Variants in TNFSF15 observed in about 807,000 individuals in gnomAD.
TNFSF15 encodes tumor necrosis factor ligand superfamily member 15.
A neutral mutation model predicts 26.4 loss-of-function variants in TNFSF15; 15 were observed. That is an observed-to-expected ratio of 0.57 (90% CI 0.38 to 0.87). The LOEUF (loss-of-function observed/expected upper bound fraction) is 0.87. Among genes scored for constraint, TNFSF15 ranks in the 40% least tolerant of loss-of-function variants. The pLI is 0.00. For synonymous variants in TNFSF15, 116 were observed against 115.0 expected (o/e 1.01, Z -0.06); for missense variants, 290 against 306.1 (o/e 0.95, Z 0.39).
intron 1 of TNFSF15, among the ~76,000 whole-genome samples, chr9:114,803,251 G>A (rs956183595): frequency 2.6e-5 from 4 of 152,152 alleles, no homozygotes; most frequent in Admixed American, 6.5e-5. Context: ...CCTGGTGCCT[G>A]GGGTAGAGTG....
intron 1 of TNFSF15, among the ~76,000 whole-genome samples, 166 bp from the exon 2 acceptor site, chr9:114,793,734 A>C (rs190865825): frequency 7.9e-4 from 120 of 152,292 alleles, no homozygotes; most frequent in Non-Finnish European, 1.1e-3. Flanking sequence ...GGAATCTTGC[A>C]TCTCAGCTCT....
chr9:114,785,838 G>A lies in TNFSF15; in HGVS notation c.*4614C>T, dbSNP rs1171297906. 6.6e-6 allele frequency: 1 copy of A among 152,246 alleles called. No individual in the cohort carries two copies. Among genetic ancestry groups the A allele is most frequent in the Non-Finnish European group, 1.5e-5 (1 of 68,062 alleles). 9.4% of individuals were successfully genotyped at this position (152,246 alleles called of 1,614,324 possible). On this transcript the variant is annotated 3_prime_UTR_variant, in exon 4 of 4. Transcript: ENST00000374045. ...GAACTCTATTTGCGATGAGTAGAGA[G>A]GTTAGAAGAGTCCAGGATTATGGTT...
intron 1 of TNFSF15, among the ~76,000 whole-genome samples, chr9:114,795,157 C>T (rs1036380900): frequency 7.2e-5 from 11 of 151,820 alleles, no homozygotes; most frequent in Admixed American, 1.3e-4. Flanking sequence ...GTACCCCACA[C>T]GTATATAAAA....
At chr9:114,803,645 C>G (rs997509353) in intron 1 of TNFSF15, among the ~76,000 whole-genome samples, 6 of 152,222 alleles carry the variant, frequency 3.9e-5, no homozygotes, top group Admixed American at 1.3e-4. Flanking sequence ...CTGGCTTCCT[C>G]CTGAGCCTGG....
In TNFSF15 at chr9:114,788,920, C is replaced by T. The variant is rs763711429; in HGVS notation, c.*1532G>A. ...CCCACTGAAGCACAGAAGGGACCTC[C>T]GCAATGACCAGCCTGTCCTCCAGGG... On this transcript the variant is annotated 3_prime_UTR_variant, in exon 4 of 4. Coordinates refer to ENST00000374045, the MANE Select transcript of TNFSF15 (RefSeq NM_005118.4). The T allele has an allele frequency of 7.2e-5, 11 of 152,320 alleles. No homozygotes were observed. The highest frequency in any genetic ancestry group is 1.9e-4 in the East Asian group (1 of 5,188). The allele number at this position is 152,320 out of a possible 1,614,324, so 9.4% of individuals were successfully genotyped here.
In TNFSF15 at chr9:114,787,968, T is replaced by A. The variant is rs977642285; in HGVS notation, c.*2484A>T. 2.0e-5 allele frequency: 3 copies of A among 153,648 alleles called. No homozygotes were observed. Among genetic ancestry groups the A allele is most frequent in the African/African-American group, 7.2e-5 (3 of 41,452 alleles). The allele number at this position is 153,648 out of a possible 1,614,324, so 9.5% of individuals were successfully genotyped here. ...ATCACCTACAGAACAGTGGGCAGGT[T>A]TGAGCAGGCCACTCTTCTGTGCAAA... On this transcript the variant is annotated 3_prime_UTR_variant, in exon 4 of 4. Transcript: ENST00000374045.
intron 1 of TNFSF15, among the ~76,000 whole-genome samples, chr9:114,800,776 A>AAAATATTAAATATTT (rs1304797628): frequency 6.6e-6 from 1 of 152,150 alleles, no homozygotes; most frequent in Non-Finnish European, 1.5e-5. Context: ...CTTTAATATG[A>AAAATATTAAATATTT]AAATATTTAG....
chr9:114,792,967 T>C (rs1296388432), intron 2 of TNFSF15, among the ~76,000 whole-genome samples: 1 of 152,186 alleles, frequency 6.6e-6, no homozygotes. Context: ...ATGACTTTGG[T>C]GAATCCTTTT....
chr9:114,790,581 G>C lies in TNFSF15; in HGVS notation c.627C>G (p.Phe209Leu). The C allele has an allele frequency of 6.2e-7, 1 of 1,614,080 alleles. No individual in the cohort carries two copies. The highest frequency in any genetic ancestry group is 8.5e-7 in the Non-Finnish European group (1 of 1,180,034). ...ACATGGCTCCGAGGTAGATGGGCTG[G>C]AACCAGTTGCTACCTACTTCGCATA... ...KSVCEVGSNW[F>L]QPIYLGAMFS... Residue 209 changes from phenylalanine to leucine, a missense_variant, in exon 4 of 4, where the codon TTC becomes TTG. Physicochemically the swap from Phe to Leu is conservative, Grantham distance 22. Coordinates refer to ENST00000374045, the MANE Select transcript of TNFSF15 (RefSeq NM_005118.4).
At chr9:114,796,462 C>T (rs1331415891) in intron 1 of TNFSF15, among the ~76,000 whole-genome samples, 3 of 152,192 alleles carry the variant, frequency 2.0e-5, no homozygotes, top group African/African-American at 4.8e-5. Context: ...CCTCTGTGTT[C>T]CCAGCCATGA....
chr9:114,805,543 T>C (rs1829809999), intron 1 of TNFSF15, among the ~76,000 whole-genome samples: 1 of 152,212 alleles, frequency 6.6e-6, no homozygotes, highest in South Asian at 2.1e-4. Flanking sequence ...ACCAGTATAC[T>C]ATGATTATAA....
In TNFSF15 at chr9:114,786,194, T is replaced by G. The variant is rs1427726188; in HGVS notation, c.*4258A>C. 6.6e-6 allele frequency: 1 copy of G among 152,224 alleles called. No homozygotes were observed. Among genetic ancestry groups the G allele is most frequent in the Non-Finnish European group, 1.5e-5 (1 of 68,034 alleles). 9.4% of individuals were successfully genotyped at this position (152,224 alleles called of 1,614,324 possible). A position where few individuals can be genotyped will look rare whatever the true frequency, so the allele number is the denominator to read the frequency against. ...AATATCCAGGATAAGGATGTACACT[T>G]GAAAATTCTGCTACAAATATCAAAA... On this transcript the variant is annotated 3_prime_UTR_variant, in exon 4 of 4. Coordinates refer to ENST00000374045, the MANE Select transcript of TNFSF15 (RefSeq NM_005118.4).
rs994867717 is a variant in TNFSF15 at position 114,788,781 on chromosome 9, A to C, written c.*1671T>G. On this transcript the variant is annotated 3_prime_UTR_variant, in exon 4 of 4. Coordinates refer to ENST00000374045, the MANE Select transcript of TNFSF15 (RefSeq NM_005118.4). ...ATGAGCTCATTTGCTCCTTGGAAAC[A>C]AATGGGCAGATTCCTGCTTTGCAGA... is the stretch of plus-strand genomic sequence containing the variant. 3 of 152,232 alleles carry C rather than the reference A, an allele frequency of 2.0e-5. No individual in the cohort carries two copies. The highest frequency in any genetic ancestry group is 7.2e-5 in the African/African-American group (3 of 41,464). 9.4% of individuals were successfully genotyped at this position (152,232 alleles called of 1,614,324 possible). A position where few individuals can be genotyped will look rare whatever the true frequency, so the allele number is the denominator to read the frequency against.
chr9:114,802,614 TTC>T (rs1587902357), intron 1 of TNFSF15, among the ~76,000 whole-genome samples: 1 of 152,194 alleles, frequency 6.6e-6, no homozygotes, highest in Non-Finnish European at 1.5e-5. Context: ...TGATTCTTAA[TTC>T]TCTCTTTGGA....
chr9:114,792,666 A>G lies in TNFSF15; in HGVS notation c.254-212T>C, dbSNP rs1829622637. 1.1e-5 allele frequency: 13 copies of G among 1,182,872 alleles called. No individual in the cohort carries two copies. The South Asian group carries it at 1.8e-4, about 16-fold the overall frequency. The allele number at this position is 1,182,872 out of a possible 1,614,324, so 73.3% of individuals were successfully genotyped here. ...GGGTGACTCAGAAGAAAGAGTCTTG[A>G]ACACAAATGAATCTTGGCCCCATGG... On this transcript the variant is annotated intron_variant, in intron 2 of 3. Coordinates refer to ENST00000374045, the MANE Select transcript of TNFSF15 (RefSeq NM_005118.4).
Position 114,790,866 on chromosome 9 carries a change from G to A in TNFSF15, c.342C>T (p.Phe114=). ...GTTCATGTTCCCAGTGCAGAGCTGG[G>A]AACTGATTTTTAAAGTGCTGTGTGG... ...QTPTQHFKNQ[F]PALHWEHELG... Residue 114 remains phenylalanine (F), a synonymous_variant, in exon 4 of 4, where the codon TTC becomes TTT. Coordinates refer to ENST00000374045, the MANE Select transcript of TNFSF15 (RefSeq NM_005118.4). 6.2e-7 allele frequency: 1 copy of A among 1,614,138 alleles called. No homozygotes were observed. Among genetic ancestry groups the A allele is most frequent in the Non-Finnish European group, 8.5e-7 (1 of 1,180,018 alleles).
intron 1 of TNFSF15, among the ~76,000 whole-genome samples, chr9:114,801,666 G>C (rs1829750460): frequency 6.6e-6 from 1 of 152,178 alleles, no homozygotes; most frequent in Non-Finnish European, 1.5e-5. Flanking sequence ...AAGAAGCCGA[G>C]GCCCGAAAGG....
intron 1 of TNFSF15, among the ~76,000 whole-genome samples, chr9:114,796,633 G>C (rs1396200820): frequency 6.6e-6 from 1 of 152,182 alleles, no homozygotes; most frequent in Non-Finnish European, 1.5e-5. Context: ...GTACTAGCCA[G>C]GTGATAAAAG....
chr9:114,804,573 C>T (rs368644867), intron 1 of TNFSF15, among the ~76,000 whole-genome samples: 2 of 152,336 alleles, frequency 1.3e-5, no homozygotes, highest in African/African-American at 4.8e-5. Flanking sequence ...AGTCCCAGAG[C>T]ACCAACTGGG....
Sources: gnomAD v4.1 joint callset for allele counts (sites outside exome capture counted in the v4.1 genomes callset) on GRCh38, gnomAD v4.1.1 for gene constraint, MANE v1.5 for transcripts, NCBI Gene and HGNC (gene_info 2026-07-23, HGNC 2026-07-21) for gene names.